The following THUMPD2 variants were observed in gnomAD, a reference collection of about 807,000 sequenced individuals.
THUMPD2 encodes U6 snRNA (guanine-N(2))-methyltransferase THUMPD2.
THUMPD2 carries 56 observed loss-of-function variants against 49.4 expected under a neutral mutation model. That is an observed-to-expected ratio of 1.13 (90% CI 0.91 to 1.41). The LOEUF (loss-of-function observed/expected upper bound fraction) is 1.41. Among genes scored for constraint, THUMPD2 ranks in the 40% most tolerant of loss-of-function variants. THUMPD2 has a pLI of 0.00. For synonymous variants in THUMPD2, 237 were observed against 205.2 expected (o/e 1.15, Z -1.32); for missense variants, 709 against 594.5 (o/e 1.19, Z -2.00).
intron 4 of THUMPD2, among the ~76,000 whole-genome samples, chr2:39,768,211 T>C (rs1208335607): frequency 6.6e-6 from 1 of 152,192 alleles, no homozygotes; most frequent in African/African-American, 2.4e-5. Context: ...CAAAAAATCT[T>C]TTTTTGGAGT....
rs779843426 is a variant in THUMPD2 at position 39,771,489 on chromosome 2, T to C, written c.262+16A>G. 3.8e-6 allele frequency: 6 copies of C among 1,580,502 alleles called. No homozygotes were observed. The highest frequency in any genetic ancestry group is 2.0e-5 in the Admixed American group (1 of 49,372). Reference sequence around the variant, plus strand: ...ATCATGTGGGTAAAAGCAACATGCATATGAATATGCCATACCTTTACTTAC... The same window carrying C: ...ATCATGTGGGTAAAAGCAACATGCACATGAATATGCCATACCTTTACTTAC... On this transcript the variant is annotated intron_variant, in intron 2 of 9. Transcript: ENST00000505747.
At chr2:39,764,413 C>T (rs1046419192) in intron 5 of THUMPD2, among the ~76,000 whole-genome samples, 1 of 152,180 alleles carries the variant, frequency 6.6e-6, no homozygotes, top group Non-Finnish European at 1.5e-5. Flanking sequence ...TTCAAGTCCA[C>T]AGTTCTTATC....
chr2:39,755,457 T>C (rs780401848), intron 7 of THUMPD2, 48 bp from the exon 8 acceptor site: 1 of 1,249,140 alleles, frequency 8.0e-7, no homozygotes, highest in South Asian at 1.4e-5. Context: ...ATTACATATT[T>C]CATGTAGTTA....
At chr2:39,778,414 G>C (rs1326147793) in intron 1 of THUMPD2, among the ~76,000 whole-genome samples, 1 of 152,166 alleles carries the variant, frequency 6.6e-6, no homozygotes, top group Non-Finnish European at 1.5e-5. Flanking sequence ...AGGGTGGAGG[G>C]GTTAATTTCA....
intron 8 of THUMPD2, among the ~76,000 whole-genome samples, chr2:39,747,257 C>T (rs1674724633): frequency 6.6e-6 from 1 of 152,046 alleles, no homozygotes; most frequent in African/African-American, 2.4e-5. Flanking sequence ...TTATTGTGGC[C>T]AAAATATATT....
At chr2:39,767,673 T>C (rs1337430575) in intron 4 of THUMPD2, among the ~76,000 whole-genome samples, 1 of 150,784 alleles carries the variant, frequency 6.6e-6, no homozygotes, top group Non-Finnish European at 1.5e-5. Flanking sequence ...CAAAACATTC[T>C]TGGGATCAAA....
At chr2:39,773,424 G>A (rs937196799) in intron 1 of THUMPD2, among the ~76,000 whole-genome samples, 1 of 151,322 alleles carries the variant, frequency 6.6e-6, no homozygotes, top group African/African-American at 2.4e-5. Flanking sequence ...AACCTAAGTA[G>A]CCAGTGATCT....
At chr2:39,769,193 T>C in intron 3 of THUMPD2, 2 of 921,988 alleles carry the variant, frequency 2.2e-6, no homozygotes, top group Non-Finnish European at 2.9e-6. Flanking sequence ...AAAGGACATC[T>C]GTAGATTTAA....
At chr2:39,750,681 T>C (rs563615266) in intron 8 of THUMPD2, among the ~76,000 whole-genome samples, 1 of 150,950 alleles carries the variant, frequency 6.6e-6, no homozygotes, top group East Asian at 2.0e-4. Flanking sequence ...CACTCCAGCC[T>C]GGGCAACAGG....
chr2:39,746,756 T>C (rs1572761350), intron 8 of THUMPD2, among the ~76,000 whole-genome samples: 1 of 152,274 alleles, frequency 6.6e-6, no homozygotes, highest in East Asian at 1.9e-4. Flanking sequence ...GGCCCCAAGA[T>C]ACTTTCTTCC....
chr2:39,776,940 T>C (rs1224343578), intron 1 of THUMPD2, among the ~76,000 whole-genome samples: 6 of 152,232 alleles, frequency 3.9e-5, no homozygotes, highest in Admixed American at 2.6e-4. Context: ...CTTATGTTCA[T>C]GAAAATTGGA....
intron 1 of THUMPD2, among the ~76,000 whole-genome samples, chr2:39,776,628 T>C: frequency 6.6e-6 from 1 of 152,136 alleles, no homozygotes; most frequent in East Asian, 1.9e-4. Context: ...TGACCTCAGG[T>C]AATCTGCCCG....
rs780980876 is a variant in THUMPD2 at position 39,755,962 on chromosome 2, T to TGCAG, written c.892-6_892-3dup. On this transcript the variant is annotated splice_polypyrimidine_tract_variant and splice_region_variant and intron_variant, in intron 6 of 9. Transcript: ENST00000505747. ...TGGATCTAAAACAAATGCACCAGCC[T>TGCAG]GCAGACAGAAATATTAATTTGGTAT... 3.1e-6 allele frequency: 5 copies of TGCAG among 1,613,526 alleles called. No individual in the cohort carries two copies. Among genetic ancestry groups the TGCAG allele is most frequent in the Middle Eastern group, 1.7e-4 (1 of 6,056 alleles).
chr2:39,744,965 G>A (rs752893554), intron 8 of THUMPD2, among the ~76,000 whole-genome samples: 5 of 152,098 alleles, frequency 3.3e-5, no homozygotes, highest in African/African-American at 1.2e-4. Flanking sequence ...TAAGACTAGA[G>A]AAAAGGCTAC....
In THUMPD2 at chr2:39,779,020, G is replaced by C. The variant is rs1679506627; in HGVS notation, c.126+94C>G. The C allele has an allele frequency of 3.0e-6, 4 of 1,336,876 alleles. No individual in the cohort carries two copies. In the East Asian group the frequency reaches 1.3e-4, roughly 42 times the overall value. 82.8% of individuals were successfully genotyped at this position (1,336,876 alleles called of 1,614,324 possible). On this transcript the variant is annotated intron_variant, in intron 1 of 9. Transcript: ENST00000505747. ...ACCGTCGCGTGGAACAGAGAGGGGC[G>C]CCAGCGACGCTTTCCCGCGTCCACG...
At chr2:39,769,146 A>G (rs1402111267) in intron 3 of THUMPD2, 3 of 1,245,732 alleles carry the variant, frequency 2.4e-6, no homozygotes, top group Non-Finnish European at 3.2e-6. Context: ...GAGAAACCCC[A>G]AAAGCTGAGG....
chr2:39,761,469 T>C, intron 5 of THUMPD2, 51 bp from the exon 6 acceptor site: 1 of 1,530,588 alleles, frequency 6.5e-7, no homozygotes, highest in Non-Finnish European at 9.0e-7. Flanking sequence ...AACAACAAGA[T>C]ATAAAAATGA....
rs754714882 is a variant in THUMPD2, at chr2:39,766,038, G to A, written c.803+19C>T. ...AACCATCTGTCTTATGGGACAAACC[G>A]GAAGCTTAGAATATCTACCTGAACA... On this transcript the variant is annotated intron_variant, in intron 5 of 9. Coordinates refer to ENST00000505747, the MANE Select transcript of THUMPD2 (RefSeq NM_025264.5). 36 of 1,563,590 alleles carry A rather than the reference G, an allele frequency of 2.3e-5. 1 individual carries two copies. In the East Asian group the frequency reaches 2.9e-4, roughly 13 times the overall value.
Position 39,755,277 on chromosome 2 carries a change from G to C in THUMPD2, c.1078+18C>G. On this transcript the variant is annotated intron_variant, in intron 8 of 9. Transcript: ENST00000505747. Reference sequence around the variant, plus strand: ...CATTGTTCCTTTTCTCAATTGTTTTGCATTTTTAGTATCTTACCTATAACA... The same window carrying C: ...CATTGTTCCTTTTCTCAATTGTTTTCCATTTTTAGTATCTTACCTATAACA... 2 of 1,399,434 alleles carry C rather than the reference G, an allele frequency of 1.4e-6. No individual in the cohort carries two copies. Among genetic ancestry groups the C allele is most frequent in the Non-Finnish European group, 1.9e-6 (2 of 1,027,414 alleles). The allele number at this position is 1,399,434 out of a possible 1,614,324, so 86.7% of individuals were successfully genotyped here.
Sources: allele counts gnomAD v4.1 joint callset (sites outside exome capture counted in the v4.1 genomes callset), GRCh38; gene constraint gnomAD v4.1.1; transcripts MANE v1.5; gene names NCBI Gene and HGNC (gene_info 2026-07-23, HGNC 2026-07-21).